Variants in F9 observed in about 807,000 individuals in gnomAD.
F9 encodes Christmas factor.
A neutral mutation model predicts 34.1 loss-of-function variants in F9; 2 were observed. The observed-to-expected ratio is 0.06, with a 90% CI of 0.02 to 0.18. The LOEUF (loss-of-function observed/expected upper bound fraction) is 0.18, where lower values mean the gene tolerates loss of function less well. Among genes scored for constraint, F9 ranks in the 10% least tolerant of loss-of-function variants. F9 has a pLI of 1.00. For missense variants in F9, 216 were observed against 345.1 expected (o/e 0.63, Z 2.96); for synonymous variants, 137 against 118.8 (o/e 1.15, Z -1.00).
At chrX:139,550,956 G>C in intron 5 of F9, 106 bp from the exon 6 acceptor site, 1 of 651,423 alleles carries the variant, frequency 1.5e-6, no homozygotes, top group Non-Finnish European at 2.4e-6. Flanking sequence ...TGATGGGCCT[G>C]CTTCTCAGAA....
At chrX:139,535,356 C>CA (rs4149675) in intron 1 of F9, among the ~76,000 whole-genome samples, 330 of 94,648 alleles carry the variant, frequency 3.5e-3, no homozygotes, top group African/African-American at 0.011. Context: ...AAGACTCTGT[C>CA]AAAAAAAAAA....
At chrX:139,539,512 G>A (rs1399938255) in intron 3 of F9, among the ~76,000 whole-genome samples, 2 of 112,238 alleles carry the variant, frequency 1.8e-5, no homozygotes, top group African/African-American at 6.5e-5. Context: ...TGAACCCAAA[G>A]TACACACAGC....
chrX:139,539,907 TTC>T (rs1292594697), intron 3 of F9, among the ~76,000 whole-genome samples: 1 of 111,443 alleles, frequency 9.0e-6, no homozygotes, highest in Non-Finnish European at 1.9e-5. Context: ...GGATACACGC[TTC>T]TGACAGAGAA....
chrX:139,542,713 C>T (rs575698785), intron 4 of F9, among the ~76,000 whole-genome samples: 2 of 111,213 alleles, frequency 1.8e-5, no homozygotes, highest in Admixed American at 1.9e-4. Context: ...AGGGAATAGC[C>T]CTGAGGAATG....
chrX:139,548,987 G>A (rs1364181437), intron 5 of F9, among the ~76,000 whole-genome samples: 1 of 111,322 alleles, frequency 9.0e-6, no homozygotes, highest in African/African-American at 3.3e-5. Context: ...GCAATGAACT[G>A]TTTTATGTTC....
chrX:139,543,022 C>T (rs957085104), intron 4 of F9, among the ~76,000 whole-genome samples: 1 of 110,622 alleles, frequency 9.0e-6, no homozygotes, highest in African/African-American at 3.3e-5. Flanking sequence ...AGGAAAGCTA[C>T]AGCAAAAGCA....
chrX:139,547,418 A>G (rs1927741111), intron 4 of F9: 1 of 111,626 alleles, frequency 9.0e-6, no homozygotes, highest in African/African-American at 3.2e-5. Context: ...ACTTCGACTG[A>G]AAAGACAAGT....
chrX:139,536,437 G>A (rs184896000), intron 1 of F9, among the ~76,000 whole-genome samples: 1 of 110,487 alleles, frequency 9.1e-6, no homozygotes, highest in Admixed American at 9.7e-5. Flanking sequence ...ATTCTAGAGA[G>A]ATGCTTAAAT....
intron 5 of F9, among the ~76,000 whole-genome samples, 157 bp downstream of exon 5, chrX:139,548,648 GCAT>G (rs1399359331): frequency 2.7e-5 from 3 of 111,724 alleles, no homozygotes; most frequent in African/African-American, 9.7e-5. Context: ...TTTCTAGATT[GCAT>G]CATATTTTAA....
At chrX:139,550,633 C>T (rs1943299223) in intron 5 of F9, among the ~76,000 whole-genome samples, 1 of 111,505 alleles carries the variant, frequency 9.0e-6, no homozygotes, top group Admixed American at 9.6e-5. Context: ...AAGAAACCTT[C>T]TTAATCATAA....
At chrX:139,553,433 TG>T (rs1927889677) in intron 6 of F9, among the ~76,000 whole-genome samples, 1 of 111,991 alleles carries the variant, frequency 8.9e-6, no homozygotes, top group African/African-American at 3.3e-5. Flanking sequence ...TCATTCATTA[TG>T]TGTCCAACTT....
Position 139,560,766 on chromosome X carries a change from C to A in F9, c.749C>A (p.Ala250Glu). ...GTTGTTTTGAATGGTAAAGTTGATG[C>A]ATTCTGTGGAGGCTCTATCGTTAAT... ...WQVVLNGKVD[A>E]FCGGSIVNEK... The change falls in exon 7 of 8, where the codon GCA becomes GAA. Residue 250 changes from alanine (A) to glutamate (E), a missense_variant. By Grantham distance (107) the Ala-to-Glu change is moderately radical. Around this residue, in one of 2 missense-constraint regions of F9, gnomAD observed 177 missense variants for 311.8 expected, o/e 0.57. Transcript: ENST00000218099. 1 of 1,207,355 alleles carries A rather than the reference C, an allele frequency of 8.3e-7. No homozygotes were observed. The highest frequency in any genetic ancestry group is 1.1e-6 in the Non-Finnish European group (1 of 891,667).
At chrX:139,536,216 C>CATATATATGTACACACATATATGT (rs1209729861) in intron 1 of F9, among the ~76,000 whole-genome samples, 2,952 of 89,198 alleles carry the variant, frequency 0.033, 196 homozygotes, top group African/African-American at 0.099. Flanking sequence ...TATACACACA[C>CATATATATGTACACACATATATGT]ATATATATGT....
chrX:139,558,433 G>C (rs421766), intron 6 of F9, among the ~76,000 whole-genome samples: 17,535 of 113,146 alleles, frequency 0.15, 1,147 homozygotes, highest in Non-Finnish European at 0.21. Flanking sequence ...ACATGTGGGT[G>C]TTAAATTGTA....
intron 3 of F9, among the ~76,000 whole-genome samples, chrX:139,538,158 C>T (rs3117457): frequency 0.07 from 7,797 of 111,544 alleles, 714 homozygotes; most frequent in African/African-American, 0.24. Context: ...CATTTATTTT[C>T]TCCTACTCCA....
chrX:139,553,671 G>T (rs2148363714), intron 6 of F9, among the ~76,000 whole-genome samples: 1 of 109,081 alleles, frequency 9.2e-6, no homozygotes, highest in South Asian at 4.1e-4. Context: ...AAATTAGCCC[G>T]GCGTGGTGGC....
chrX:139,535,352 CTG>C (rs1478525815), intron 1 of F9, among the ~76,000 whole-genome samples: 5 of 107,552 alleles, frequency 4.6e-5, no homozygotes, highest in African/African-American at 1.7e-4. Flanking sequence ...GAGCAAGACT[CTG>C]TCAAAAAAAA....
At chrX:139,558,569 A>C (rs1928023628) in intron 6 of F9, among the ~76,000 whole-genome samples, 1 of 113,087 alleles carries the variant, frequency 8.8e-6, no homozygotes, top group African/African-American at 3.2e-5. Context: ...AAGAGACTAC[A>C]GAGGAAAGCA....
rs748415399 is a variant in F9 at position 139,556,218 on chromosome X, A to T, written c.724-4523A>T. ...GAAGCCAAGTGATTAAGCTTTCCTT[A>T]TGCTTATATTAAGTTGTAGCATATG... On this transcript the variant is annotated intron_variant, in intron 6 of 7. Coordinates refer to ENST00000218099, the MANE Select transcript of F9 (RefSeq NM_000133.4). Among the ~76,000 whole-genome samples the T allele has an allele frequency of 1.6e-4, 18 of 112,445 alleles. No homozygotes were observed. In the East Asian group the frequency reaches 5.0e-3, roughly 31 times the overall value.
Sources: allele counts gnomAD v4.1 joint callset (sites outside exome capture counted in the v4.1 genomes callset), GRCh38; gene constraint gnomAD v4.1.1; regional missense constraint gnomAD v4.1.1; transcripts MANE v1.5; gene names NCBI Gene and HGNC (gene_info 2026-07-23, HGNC 2026-07-21).